Variants in CDH4 observed in about 807,000 individuals in gnomAD.
The protein encoded by CDH4 is cadherin 4.
In CDH4, 33 loss-of-function variants were observed where a neutral mutation model predicts 86.0. The ratio of observed to expected loss-of-function variants is 0.38; its 90% CI spans 0.29 to 0.51. CDH4 has a LOEUF of 0.51. Ranked by LOEUF, CDH4 falls within the 20% of genes least tolerant of loss-of-function variation. The pLI, the probability that CDH4 is intolerant of heterozygous loss-of-function variation, is 0.86. For missense variants in CDH4, 1,114 were observed against 1,307.4 expected (o/e 0.85, Z 2.28); for synonymous variants, 555 against 549.4 (o/e 1.01, Z -0.14).
intron 4 of CDH4, among the ~76,000 whole-genome samples, chr20:61,808,352 A>G (rs931658767): frequency 1.3e-5 from 2 of 151,942 alleles, no homozygotes; most frequent in African/African-American, 4.8e-5. Flanking sequence ...AAATAAATAA[A>G]TAAATAAATA....
In CDH4 at chr20:61,708,748, G is replaced by A. The variant is rs556529870; in HGVS notation, c.170-34815G>A. On this transcript the variant is annotated intron_variant, in intron 2 of 15. Coordinates refer to ENST00000614565, the MANE Select transcript of CDH4 (RefSeq NM_001794.5). The surrounding 1 kb of genome is among the most constrained non-coding windows in gnomAD (Gnocchi z 4.5). ...TCACATGAGGCGGCGCTGCCTCTGC[G>A]GAGGCCCCTTCTCTGAGTGTGCATC... Among the ~76,000 whole-genome samples the A allele has an allele frequency of 2.0e-5, 3 of 152,286 alleles. No individual in the cohort carries two copies. The highest frequency in any genetic ancestry group is 7.2e-5 in the African/African-American group (3 of 41,560).
At chr20:61,796,198 T>A (rs1979529416) in intron 4 of CDH4, among the ~76,000 whole-genome samples, 1 of 152,138 alleles carries the variant, frequency 6.6e-6, no homozygotes. Context: ...ATCATTTTAC[T>A]CCTATCGTTT....
intron 2 of CDH4, among the ~76,000 whole-genome samples, chr20:61,578,361 T>G (rs996347080): frequency 2.6e-5 from 4 of 152,246 alleles, no homozygotes; most frequent in Non-Finnish European, 5.9e-5. Flanking sequence ...TGTCAGAAGA[T>G]TCTCATACCA....
At chr20:61,358,052 T>G (rs1283845955) in intron 2 of CDH4, among the ~76,000 whole-genome samples, 2 of 152,196 alleles carry the variant, frequency 1.3e-5, no homozygotes, top group African/African-American at 4.8e-5. Flanking sequence ...AGTAGTGCGC[T>G]CCTTCCCTGT....
intron 2 of CDH4, among the ~76,000 whole-genome samples, chr20:61,563,550 C>A (rs1330788849): frequency 6.6e-6 from 1 of 152,206 alleles, no homozygotes; most frequent in Non-Finnish European, 1.5e-5. Context: ...CCAGGGGCTG[C>A]CCCCTCACCA....
At chr20:61,737,476 C>T (rs2088279252) in intron 2 of CDH4, among the ~76,000 whole-genome samples, 1 of 152,192 alleles carries the variant, frequency 6.6e-6, no homozygotes, top group South Asian at 2.1e-4. Context: ...GACCCCCGGC[C>T]TGACTAGGGC....
chr20:61,832,395 A>G (rs150567312), intron 4 of CDH4, among the ~76,000 whole-genome samples: 118 of 152,340 alleles, frequency 7.7e-4, no homozygotes, highest in Non-Finnish European at 1.3e-3. Flanking sequence ...GGTGATGAGT[A>G]AGTGAGTGGA....
chr20:61,331,921 T>G (rs1387917412), intron 2 of CDH4, among the ~76,000 whole-genome samples: 1 of 152,158 alleles, frequency 6.6e-6, no homozygotes, highest in Non-Finnish European at 1.5e-5. Context: ...GTTGAGGGCA[T>G]GAGTAAACTC....
At chr20:61,600,874 C>T (rs1261931167) in intron 2 of CDH4, among the ~76,000 whole-genome samples, 2 of 152,142 alleles carry the variant, frequency 1.3e-5, no homozygotes, top group Non-Finnish European at 2.9e-5. Flanking sequence ...TCTGCGGGTG[C>T]AGAACCCGCG....
intron 2 of CDH4, among the ~76,000 whole-genome samples, chr20:61,662,494 C>A (rs776370917): frequency 6.6e-6 from 1 of 152,202 alleles, no homozygotes; most frequent in Non-Finnish European, 1.5e-5. Flanking sequence ...GAAGAGAAGC[C>A]TGAATGAGAC....
chr20:61,842,258 T>C (rs1982210937), intron 4 of CDH4, among the ~76,000 whole-genome samples: 1 of 152,246 alleles, frequency 6.6e-6, no homozygotes, highest in Non-Finnish European at 1.5e-5. Flanking sequence ...AAGTCACTGC[T>C]GCTTCTGCTG....
rs570848851 is a variant in CDH4, at chr20:61,605,052, G to A, written c.170-138511G>A. ...AGACAGTGTGGAAGGCTGGCCTCTC[G>A]TGGTGCCTGTTTTCAAGTCTCCATC... On this transcript the variant is annotated intron_variant, in intron 2 of 15. Transcript: ENST00000614565. Among the ~76,000 whole-genome samples, 272 of 152,150 alleles carry A rather than the reference G, an allele frequency of 1.8e-3. 1 individual carries two copies. The highest frequency in any genetic ancestry group is 3.3e-3 in the Non-Finnish European group (225 of 68,026).
At chr20:61,798,482 C>T (rs1278304318) in intron 4 of CDH4, among the ~76,000 whole-genome samples, 1 of 152,212 alleles carries the variant, frequency 6.6e-6, no homozygotes, top group East Asian at 1.9e-4. Context: ...GGGTGCATCG[C>T]GCTGATTCCA....
intron 2 of CDH4, among the ~76,000 whole-genome samples, chr20:61,593,015 G>A (rs753037419): frequency 2.6e-5 from 4 of 152,104 alleles, no homozygotes; most frequent in Non-Finnish European, 5.9e-5. Context: ...GGGGCAGGAG[G>A]GTCAGGTCAG....
intron 3 of CDH4, among the ~76,000 whole-genome samples, chr20:61,745,875 C>T (rs1483827741): frequency 6.6e-6 from 1 of 152,216 alleles, no homozygotes; most frequent in Admixed American, 6.5e-5. Flanking sequence ...ATAATGACAC[C>T]TTTTCTTGGG....
chr20:61,661,086 G>GT lies in CDH4; in HGVS notation c.170-82477_170-82476insT, dbSNP rs1555821289. On this transcript the variant is annotated intron_variant, in intron 2 of 15. Coordinates refer to ENST00000614565, the MANE Select transcript of CDH4 (RefSeq NM_001794.5). ...GGCGGCATGGACAGGAGGCATGGCG[G>GT]GGGGGGGGGAGACACAGTGCCAGGC... 9.4e-5 allele frequency among the ~76,000 whole-genome samples: 8 copies of GT among 85,524 alleles called. 2 individuals are homozygous for GT. Among genetic ancestry groups the GT allele is most frequent in the Admixed American group, 4.8e-4 (5 of 10,324 alleles). 56.1% of individuals were successfully genotyped at this position (85,524 alleles called of 152,430 possible).
At chr20:61,900,130 G>A (rs916188261) in intron 8 of CDH4, among the ~76,000 whole-genome samples, 2 of 152,198 alleles carry the variant, frequency 1.3e-5, no homozygotes, top group Non-Finnish European at 2.9e-5. Context: ...TGGCTGGGCT[G>A]ACCCAGGGCA....
rs149071917 is a variant in CDH4 at position 61,714,902 on chromosome 20, G to A, written c.170-28661G>A. 3.9e-3 allele frequency among the ~76,000 whole-genome samples: 593 copies of A among 152,284 alleles called. 5 individuals carry two copies. Among genetic ancestry groups the A allele is most frequent in the African/African-American group, 0.014 (564 of 41,562 alleles). ...GCAGTTGTCTTTTTGATGCGGTGAC[G>A]TCTTTTCCATTGGGTAGATACCCAG... On this transcript the variant is annotated intron_variant, in intron 2 of 15. Transcript: ENST00000614565.
At chr20:61,843,934 G>C (rs35523356) in intron 4 of CDH4, among the ~76,000 whole-genome samples, 1 of 152,026 alleles carries the variant, frequency 6.6e-6, no homozygotes, top group Admixed American at 6.5e-5. Context: ...TCTGGGAAGC[G>C]CCACTCACCT....
Sources: allele counts gnomAD v4.1 joint callset (sites outside exome capture counted in the v4.1 genomes callset), GRCh38; gene constraint gnomAD v4.1.1; non-coding constraint Gnocchi (gnomAD v3.1); transcripts MANE v1.5; gene names NCBI Gene and HGNC (gene_info 2026-07-23, HGNC 2026-07-21).